The following TFCP2 variants were observed in gnomAD, a reference collection of about 807,000 sequenced individuals.
TFCP2 encodes the protein alpha-globin transcription factor CP2.
A neutral mutation model predicts 73.4 loss-of-function variants in TFCP2; 33 were observed. That is an observed-to-expected ratio of 0.45 (90% CI 0.34 to 0.60). TFCP2 has a LOEUF of 0.60. Ranked by LOEUF, TFCP2 falls within the 20% of genes least tolerant of loss-of-function variation. TFCP2 has a pLI of 0.01. For synonymous variants in TFCP2, 193 were observed against 211.6 expected (o/e 0.91, Z 0.76); for missense variants, 352 against 604.0 (o/e 0.58, Z 4.37).
chr12:51,169,373 C>T (rs1309753629), intron 1 of TFCP2, among the ~76,000 whole-genome samples: 3 of 151,726 alleles, frequency 2.0e-5, no homozygotes, highest in African/African-American at 4.8e-5. Context: ...TGATGGCGTG[C>T]GCCTGTAGTG....
intron 12 of TFCP2, among the ~76,000 whole-genome samples, 172 bp downstream of exon 12, chr12:51,099,483 A>G (rs1940054446): frequency 6.6e-6 from 1 of 152,166 alleles, no homozygotes; most frequent in Non-Finnish European, 1.5e-5. Context: ...GTCTCAAAAA[A>G]AAAAAAAAAG....
At chr12:51,098,699 C>G (rs1432967552) in intron 13 of TFCP2, 77 bp downstream of exon 13, 11 of 1,511,894 alleles carry the variant, frequency 7.3e-6, no homozygotes, top group Non-Finnish European at 7.3e-6. Flanking sequence ...AACACTCTGC[C>G]CCAGGAGAAC....
At chr12:51,168,693 C>G (rs1941800135) in intron 1 of TFCP2, among the ~76,000 whole-genome samples, 1 of 152,082 alleles carries the variant, frequency 6.6e-6, no homozygotes, top group Admixed American at 6.6e-5. Context: ...CTATGTTGCC[C>G]AGGCTGATGA....
At position 51,120,127 on chromosome 12, in the gene TFCP2, G is replaced by A. The variant is rs113881369; in HGVS notation, c.123-1355C>T. On this transcript the variant is annotated intron_variant, in intron 1 of 14. Coordinates refer to ENST00000257915, the MANE Select transcript of TFCP2 (RefSeq NM_005653.5). ...TCAGGAGGCAGAGGTGCAGTGAGCCGAGATCGTGGCACTGCACTCCAGCCT... is the reference window on the plus strand; with the variant it reads ...TCAGGAGGCAGAGGTGCAGTGAGCCAAGATCGTGGCACTGCACTCCAGCCT... Among the ~76,000 whole-genome samples the A allele has an allele frequency of 3.2e-3, 432 of 133,830 alleles. 2 individuals are homozygous for A. Among genetic ancestry groups the A allele is most frequent in the African/African-American group, 0.012 (420 of 35,552 alleles). 87.8% of individuals were successfully genotyped at this position (133,830 alleles called of 152,430 possible). A position where few individuals can be genotyped will look rare whatever the true frequency, so the allele number is the denominator to read the frequency against.
At chr12:51,109,040 G>T in intron 6 of TFCP2, 81 bp downstream of exon 6, 2 of 1,492,476 alleles carry the variant, frequency 1.3e-6, no homozygotes, top group South Asian at 2.5e-5. Context: ...AAGACAAGTT[G>T]ATTTTCTGAC....
intron 13 of TFCP2, among the ~76,000 whole-genome samples, chr12:51,097,248 C>T (rs1306069932): frequency 6.7e-6 from 1 of 150,308 alleles, no homozygotes; most frequent in Admixed American, 6.6e-5. Flanking sequence ...CTGTGCCTGG[C>T]CTTCTTTTTT....
chr12:51,106,638 A>T, intron 7 of TFCP2, 25 bp from the exon 8 acceptor site: 1 of 1,592,944 alleles, frequency 6.3e-7, no homozygotes, highest in Non-Finnish European at 8.6e-7. Context: ...TAAGTTAGAT[A>T]ATGAACGAGC....
chr12:51,134,664 TGCCCC>T, intron 1 of TFCP2, among the ~76,000 whole-genome samples: 3 of 152,338 alleles, frequency 2.0e-5, no homozygotes, highest in Middle Eastern at 6.8e-3. Flanking sequence ...TAGTCTTTTG[TGCCCC>T]TTAGAACTTT....
intron 4 of TFCP2, among the ~76,000 whole-genome samples, chr12:51,113,277 C>T (rs1940444903): frequency 6.6e-6 from 1 of 152,298 alleles, no homozygotes; most frequent in East Asian, 1.9e-4. Flanking sequence ...TTTTTCTTAA[C>T]AACTATGTTT....
chr12:51,125,811 T>A (rs2136995126), intron 1 of TFCP2, among the ~76,000 whole-genome samples: 1 of 152,264 alleles, frequency 6.6e-6, no homozygotes, highest in East Asian at 1.9e-4. Flanking sequence ...GATACAGAAA[T>A]CACAGGCTGG....
chr12:51,164,165 G>A (rs1270887436), intron 1 of TFCP2, among the ~76,000 whole-genome samples: 1 of 152,062 alleles, frequency 6.6e-6, no homozygotes, highest in Non-Finnish European at 1.5e-5. Flanking sequence ...TCACACCACT[G>A]CATCATTCCA....
chr12:51,150,938 A>G (rs577436850), intron 1 of TFCP2, among the ~76,000 whole-genome samples: 1 of 152,300 alleles, frequency 6.6e-6, no homozygotes, highest in African/African-American at 2.4e-5. Flanking sequence ...GAAGCCAACA[A>G]ATGAATTACA....
At chr12:51,121,434 A>G (rs1281922305) in intron 1 of TFCP2, among the ~76,000 whole-genome samples, 2 of 148,260 alleles carry the variant, frequency 1.3e-5, no homozygotes, top group Non-Finnish European at 3.0e-5. Flanking sequence ...AAAAAAAAAT[A>G]TTCCCCCAAA....
intron 1 of TFCP2, among the ~76,000 whole-genome samples, chr12:51,120,177 CAAAAAAAAAAAA>C (rs33982936): frequency 7.0e-5 from 4 of 57,304 alleles, no homozygotes; most frequent in Non-Finnish European, 1.2e-4. Context: ...GACTCTGTCT[CAAAAAAAAAAAA>C]AAAAAAAAAA....
intron 14 of TFCP2, among the ~76,000 whole-genome samples, chr12:51,095,511 G>A (rs1046820183): frequency 1.3e-5 from 2 of 151,984 alleles, no homozygotes; most frequent in African/African-American, 4.8e-5. Flanking sequence ...AATGGAAGAT[G>A]GAAGAGAATG....
intron 9 of TFCP2, 46 bp from the exon 10 acceptor site, chr12:51,103,809 G>GGC: frequency 6.7e-7 from 1 of 1,491,404 alleles, no homozygotes; most frequent in South Asian, 1.1e-5. Flanking sequence ...AGATTTGTCT[G>GGC]TTACCCCATT....
At chr12:51,155,340 G>A (rs1347471370) in intron 1 of TFCP2, among the ~76,000 whole-genome samples, 3 of 152,164 alleles carry the variant, frequency 2.0e-5, no homozygotes, top group Non-Finnish European at 4.4e-5. Context: ...AATTGAGTAA[G>A]CCAATTCCCC....
chr12:51,157,313 T>C (rs1941557542), intron 1 of TFCP2, among the ~76,000 whole-genome samples: 1 of 151,910 alleles, frequency 6.6e-6, no homozygotes, highest in Non-Finnish European at 1.5e-5. Context: ...TGAGACACTG[T>C]GCCCGGCCCA....
intron 1 of TFCP2, among the ~76,000 whole-genome samples, chr12:51,127,778 C>T (rs926752018): frequency 6.6e-6 from 1 of 152,138 alleles, no homozygotes; most frequent in Non-Finnish European, 1.5e-5. Flanking sequence ...ATAAAAAATT[C>T]CTGGATGAAT....
Sources: allele counts gnomAD v4.1 joint callset (sites outside exome capture counted in the v4.1 genomes callset), GRCh38; gene constraint gnomAD v4.1.1; transcripts MANE v1.5; gene names NCBI Gene and HGNC (gene_info 2026-07-23, HGNC 2026-07-21).